The following PTPRG variants were observed in gnomAD, a reference collection of about 807,000 sequenced individuals.
PTPRG encodes the protein receptor-type tyrosine-protein phosphatase gamma.
A neutral mutation model predicts 165.3 loss-of-function variants in PTPRG; 102 were observed. The observed-to-expected ratio is 0.62, with a 90% CI of 0.53 to 0.73. The LOEUF is 0.73. PTPRG is among the 30% of genes least tolerant of loss of function. PTPRG has a pLI of 0.00. For synonymous variants in PTPRG, 675 were observed against 669.5 expected, an observed-to-expected ratio of 1.01 and a Z score of -0.13; for missense variants, 1,866 against 1,861.4, an observed-to-expected ratio of 1.00 and a Z score of -0.05.
chr3:61,822,634 A>G (rs898135097), intron 2 of PTPRG, among the ~76,000 whole-genome samples: 2 of 152,242 alleles, frequency 1.3e-5, no homozygotes, highest in Non-Finnish European at 2.9e-5. Context: ...TTAGAGTGTT[A>G]TATTTGTGAA....
chr3:62,201,431 G>C (rs990731113), intron 10 of PTPRG, 74 bp from the exon 11 acceptor site: 2 of 1,140,476 alleles, frequency 1.8e-6, no homozygotes, highest in African/African-American at 3.1e-5. Flanking sequence ...ATTCAGATTT[G>C]TGTTCATAAG....
intron 2 of PTPRG, among the ~76,000 whole-genome samples, chr3:61,948,725 A>G (rs1223781639): frequency 6.6e-6 from 1 of 152,158 alleles, no homozygotes; most frequent in African/African-American, 2.4e-5. Context: ...GGAGTATTGT[A>G]TCAAGCACAG....
At chr3:62,046,548 C>T (rs180950441) in intron 4 of PTPRG, among the ~76,000 whole-genome samples, 56 of 152,296 alleles carry the variant, frequency 3.7e-4, no homozygotes, top group Non-Finnish European at 2.9e-4. Flanking sequence ...GGGAGCCAAG[C>T]AGCCACCACC....
intron 1 of PTPRG, among the ~76,000 whole-genome samples, chr3:61,654,695 A>C (rs1190618072): frequency 6.7e-6 from 1 of 149,014 alleles, no homozygotes; most frequent in Non-Finnish European, 1.5e-5. Context: ...CTATAATATA[A>C]TTCTATCCTG....
At chr3:62,267,274 A>T in intron 17 of PTPRG, 136 bp from the exon 18 acceptor site, 1 of 644,068 alleles carries the variant, frequency 1.6e-6, no homozygotes, top group Non-Finnish European at 2.7e-6. Context: ...TGCTCTATTT[A>T]GTTGTTCTGC....
intron 1 of PTPRG, among the ~76,000 whole-genome samples, chr3:61,633,599 G>C (rs1279960811): frequency 2.6e-5 from 4 of 152,098 alleles, no homozygotes; most frequent in Non-Finnish European, 5.9e-5. Flanking sequence ...GATTCCTTAA[G>C]ATTTTCTGTA....
At chr3:62,236,392 T>C (rs1701035195) in intron 14 of PTPRG, among the ~76,000 whole-genome samples, 3 of 152,252 alleles carry the variant, frequency 2.0e-5, no homozygotes, top group African/African-American at 7.2e-5. Flanking sequence ...TTTTCAACTT[T>C]CTATTTGTAA....
At chr3:61,805,073 C>T (rs981787599) in intron 2 of PTPRG, among the ~76,000 whole-genome samples, 2 of 152,306 alleles carry the variant, frequency 1.3e-5, no homozygotes, top group South Asian at 2.1e-4. Context: ...TGGATCTGCA[C>T]CACTTCTCTG....
At chr3:61,954,121 A>C (rs1180204131) in intron 2 of PTPRG, among the ~76,000 whole-genome samples, 1 of 152,086 alleles carries the variant, frequency 6.6e-6, no homozygotes, top group African/African-American at 2.4e-5. Context: ...GCTTGGTTTC[A>C]TGTTACTTGC....
chr3:61,840,060 T>C (rs769920458), intron 2 of PTPRG, among the ~76,000 whole-genome samples: 13 of 152,226 alleles, frequency 8.5e-5, no homozygotes, highest in Admixed American at 8.5e-4. Flanking sequence ...TATACACTTA[T>C]AGTTTATATG....
At chr3:61,755,456 T>C (rs1261890319) in intron 2 of PTPRG, among the ~76,000 whole-genome samples, 1 of 152,220 alleles carries the variant, frequency 6.6e-6, no homozygotes, top group Non-Finnish European at 1.5e-5. Flanking sequence ...CTCCCCTTTA[T>C]TTATTTTTAA....
Position 61,654,629 on chromosome 3 carries a change from G to A in PTPRG, c.85+92257G>A, listed in dbSNP as rs992911369. Among the ~76,000 whole-genome samples the A allele has an allele frequency of 4.0e-5, 6 of 151,406 alleles. No homozygotes were observed. In the South Asian group the frequency reaches 6.3e-4, roughly 16 times the overall value. The stretch of plus-strand genomic sequence containing the variant: ...TTGAACTCCTGAGCTCAGGCAGTCC[G>A]CCCGCCTCAGCCTCCCAAAGTGCTG... On this transcript the variant is annotated intron_variant, in intron 1 of 29. Transcript: ENST00000474889.
At chr3:61,636,466 A>G (rs1002189023) in intron 1 of PTPRG, among the ~76,000 whole-genome samples, 1 of 152,104 alleles carries the variant, frequency 6.6e-6, no homozygotes, top group East Asian at 1.9e-4. Flanking sequence ...AGGTTCATCT[A>G]TCTTGTTGTA....
intron 1 of PTPRG, among the ~76,000 whole-genome samples, chr3:61,629,644 G>T (rs1012518377): frequency 6.6e-6 from 1 of 152,162 alleles, no homozygotes; most frequent in African/African-American, 2.4e-5. Context: ...AAAGCTCCTT[G>T]CCAGCTGTGG....
Position 61,562,332 on chromosome 3 carries a change from A to T in PTPRG, c.45A>T (p.Lys15Asn), listed in dbSNP as rs764724150. The change falls in exon 1 of 30, where the codon AAA becomes AAT. Residue 15 changes from lysine to asparagine, a missense_variant. Lys to Asn is a moderately conservative substitution (Grantham distance 94). Coordinates refer to ENST00000474889, the MANE Select transcript of PTPRG (RefSeq NM_002841.4). Reference sequence around the variant, plus strand: ...CGTGTTGGTGGATTTTGTTCCTGAAAATCACCAGTTCCGTGCTCCATTATG... The same window carrying T: ...CGTGTTGGTGGATTTTGTTCCTGAATATCACCAGTTCCGTGCTCCATTATG... ...LEPCWWILFL[K>N]ITSSVLHYVV... is the part of the protein sequence containing the mutation. 23 of 1,613,436 alleles carry T rather than the reference A, an allele frequency of 1.4e-5. No homozygotes were observed. In the South Asian group the frequency reaches 2.1e-4, roughly 15 times the overall value.
chr3:62,067,867 A>G (rs762077124), intron 4 of PTPRG, among the ~76,000 whole-genome samples: 2 of 152,172 alleles, frequency 1.3e-5, no homozygotes, highest in Non-Finnish European at 2.9e-5. Context: ...AAGAGTGACA[A>G]CCAAAAATGT....
chr3:61,990,797 A>G (rs2040866892), intron 3 of PTPRG, among the ~76,000 whole-genome samples: 6 of 152,128 alleles, frequency 3.9e-5, no homozygotes, highest in Admixed American at 3.9e-4. Flanking sequence ...CACTGTTAGT[A>G]ATCCCTTTCA....
intron 1 of PTPRG, among the ~76,000 whole-genome samples, chr3:61,718,761 T>C (rs933640119): frequency 6.6e-6 from 1 of 152,206 alleles, no homozygotes; most frequent in African/African-American, 2.4e-5. Flanking sequence ...AATTGGACTT[T>C]GCAGAAAGGT....
intron 10 of PTPRG, among the ~76,000 whole-genome samples, chr3:62,201,258 T>C (rs1700089984): frequency 6.6e-6 from 1 of 152,210 alleles, no homozygotes; most frequent in South Asian, 2.1e-4. Flanking sequence ...AAATAACTTT[T>C]TAACTAATAG....
Sources: allele counts gnomAD v4.1 joint callset (sites outside exome capture counted in the v4.1 genomes callset), GRCh38; gene constraint gnomAD v4.1.1; transcripts MANE v1.5; gene names NCBI Gene and HGNC (gene_info 2026-07-23, HGNC 2026-07-21).